Variants in COL23A1 observed in about 807,000 individuals in gnomAD.
The protein encoded by COL23A1 is collagen alpha-1(XXIII) chain.
In COL23A1, 97 loss-of-function variants were observed where a neutral mutation model predicts 99.3. The observed-to-expected ratio is 0.98, with a 90% CI of 0.83 to 1.16. COL23A1 has a LOEUF of 1.16. Among genes scored for constraint, COL23A1 ranks in the 50% most tolerant of loss-of-function variants. The pLI, the probability that COL23A1 is intolerant of heterozygous loss-of-function variation, is 0.00. For missense variants in COL23A1, 762 were observed against 757.4 expected (o/e 1.01, Z -0.07); for synonymous variants, 320 against 308.2 (o/e 1.04, Z -0.40).
chr5:178,274,673 G>C (rs1001434224), intron 5 of COL23A1, among the ~76,000 whole-genome samples: 1 of 152,174 alleles, frequency 6.6e-6, no homozygotes, highest in African/African-American at 2.4e-5. Context: ...ATCTCCCACA[G>C]AAGGAGTGGG....
chr5:178,334,018 C>T (rs115424501), intron 2 of COL23A1, among the ~76,000 whole-genome samples: 3,616 of 152,194 alleles, frequency 0.024, 66 homozygotes, highest in Non-Finnish European at 0.036. Context: ...TCCCTTTCTC[C>T]ACAGGGGAGT....
rs182603141 is a variant in COL23A1, at chr5:178,502,358, T to C, written c.361+58324A>G. On this transcript the variant is annotated intron_variant, in intron 2 of 28. Transcript: ENST00000390654. ...ATGTTAGCCAGGATGGTCTCGATCT[T>C]CTGACCTTGTGATCTGCCCGCCTCG... Among the ~76,000 whole-genome samples, 755 of 152,262 alleles carry C rather than the reference T, an allele frequency of 5.0e-3. 5 individuals are homozygous for C. The highest frequency in any genetic ancestry group is 0.012 in the African/African-American group (489 of 41,562).
intron 5 of COL23A1, among the ~76,000 whole-genome samples, chr5:178,270,991 T>G (rs1238270615): frequency 6.6e-6 from 1 of 152,212 alleles, no homozygotes; most frequent in Non-Finnish European, 1.5e-5. Flanking sequence ...TCTTTGAGCT[T>G]CCCACATTGC....
chr5:178,258,262 T>TATATATATATATATACACAC lies in COL23A1; in HGVS notation c.730-696_730-695insGTGTGTATATATATATATAT. Among the ~76,000 whole-genome samples, 327 of 104,096 alleles carry TATATATATATATATACACAC rather than the reference T, an allele frequency of 3.1e-3. 29 individuals are homozygous for TATATATATATATATACACAC. The highest frequency in any genetic ancestry group is 5.4e-3 in the Middle Eastern group (1 of 186). 68.3% of individuals were successfully genotyped at this position (104,096 alleles called of 152,430 possible). A position where few individuals can be genotyped will look rare whatever the true frequency, so the allele number is the denominator to read the frequency against. On this transcript the variant is annotated intron_variant, in intron 12 of 28. Transcript: ENST00000390654. ...ATATATATATATATATATATATATA[T>TATATATATATATATACACAC]ACACATGCAAATCAATTCTAGGCAC...
In COL23A1 at chr5:178,560,694, C is replaced by T. The variant is rs1400519035; in HGVS notation, c.349G>A (p.Val117Ile). 1.1e-5 allele frequency: 18 copies of T among 1,612,082 alleles called. No individual in the cohort carries two copies. The highest frequency in any genetic ancestry group is 1.4e-5 in the Non-Finnish European group (17 of 1,179,562). Residue 117 changes from valine (V) to isoleucine (I), a missense_variant, in exon 2 of 29, where the codon GTC becomes ATC. By Grantham distance (29) the Val-to-Ile change is conservative. Transcript: ENST00000390654. ...AACCTTCACTTACCTGGGGGGCAGA[C>T]ACATTCGGATGGAGCTTCCCGAGCA... is the stretch of plus-strand genomic sequence containing the variant. Reference protein sequence around the residue: ...RTAREAPSECVCPPGPPGRRG... With the variant: ...RTAREAPSECICPPGPPGRRG...
chr5:178,249,448 G>C (rs1764893860), intron 18 of COL23A1, among the ~76,000 whole-genome samples: 1 of 152,232 alleles, frequency 6.6e-6, no homozygotes, highest in South Asian at 2.1e-4. Context: ...CAGATGGGTG[G>C]ATCATGTGAG....
chr5:178,447,759 A>T (rs1007441184), intron 2 of COL23A1, among the ~76,000 whole-genome samples: 1 of 152,196 alleles, frequency 6.6e-6, no homozygotes. Context: ...GAAAAAGTAA[A>T]TTAGACCGCA....
At chr5:178,505,000 A>G (rs1269797060) in intron 2 of COL23A1, among the ~76,000 whole-genome samples, 1 of 152,220 alleles carries the variant, frequency 6.6e-6, no homozygotes, top group East Asian at 1.9e-4. Flanking sequence ...GGGTGGCCAT[A>G]ACGAAGTTCC....
At chr5:178,301,041 C>T (rs1393118024) in intron 3 of COL23A1, among the ~76,000 whole-genome samples, 1 of 119,400 alleles carries the variant, frequency 8.4e-6, no homozygotes, top group Non-Finnish European at 1.8e-5. Flanking sequence ...TTTCTCTCCT[C>T]TGCTTCTGGG....
At chr5:178,266,390 T>C (rs1023857367) in intron 8 of COL23A1, among the ~76,000 whole-genome samples, 1 of 151,820 alleles carries the variant, frequency 6.6e-6, no homozygotes, top group Non-Finnish European at 1.5e-5. Flanking sequence ...CGCATATGTG[T>C]GTGTGTGTTG....
intron 2 of COL23A1, among the ~76,000 whole-genome samples, chr5:178,371,890 G>A (rs1762819449): frequency 6.6e-6 from 1 of 152,216 alleles, no homozygotes; most frequent in South Asian, 2.1e-4. Flanking sequence ...TTCTGACTCA[G>A]CTTGAACTAC....
At chr5:178,335,015 G>A (rs1305121402) in intron 2 of COL23A1, among the ~76,000 whole-genome samples, 2 of 152,202 alleles carry the variant, frequency 1.3e-5, no homozygotes, top group Non-Finnish European at 2.9e-5. Flanking sequence ...TCCTCCATAG[G>A]TGGAGACCAC....
intron 2 of COL23A1, among the ~76,000 whole-genome samples, chr5:178,450,924 C>T (rs1767453303): frequency 4.6e-5 from 7 of 152,192 alleles, no homozygotes; most frequent in Admixed American, 4.6e-4. Context: ...TGGGTACTAG[C>T]CCTAAGTTAG....
chr5:178,456,116 G>A (rs187835535), intron 2 of COL23A1, among the ~76,000 whole-genome samples: 13 of 152,286 alleles, frequency 8.5e-5, no homozygotes, highest in Middle Eastern at 3.4e-3. Context: ...TGCAGATGGT[G>A]TTAGAACAAC....
At chr5:178,314,348 G>C (rs1758866025) in intron 2 of COL23A1, among the ~76,000 whole-genome samples, 1 of 152,266 alleles carries the variant, frequency 6.6e-6, no homozygotes, top group East Asian at 1.9e-4. Context: ...CAGGCTGCCA[G>C]GGTTTTAAGG....
intron 3 of COL23A1, among the ~76,000 whole-genome samples, chr5:178,297,016 T>G (rs554789978): frequency 6.6e-6 from 1 of 152,318 alleles, no homozygotes; most frequent in Admixed American, 6.5e-5. Flanking sequence ...AAATCCCAAC[T>G]CCTGGCCCAG....
chr5:178,457,173 G>C (rs1381029579), intron 2 of COL23A1, among the ~76,000 whole-genome samples: 1 of 152,160 alleles, frequency 6.6e-6, no homozygotes, highest in Non-Finnish European at 1.5e-5. Context: ...AGATTGAACA[G>C]AAATAAAAGT....
intron 2 of COL23A1, among the ~76,000 whole-genome samples, chr5:178,337,610 C>A (rs1275288026): frequency 6.6e-6 from 1 of 152,022 alleles, no homozygotes; most frequent in Non-Finnish European, 1.5e-5. Flanking sequence ...GTGGGCTCTG[C>A]CGGGCTGGGG....
At chr5:178,260,466 C>T (rs1291007080) in intron 11 of COL23A1, among the ~76,000 whole-genome samples, 1 of 152,202 alleles carries the variant, frequency 6.6e-6, no homozygotes, top group Non-Finnish European at 1.5e-5. Flanking sequence ...CTAGATGACA[C>T]TCTGGGAAAG....
Sources: gnomAD v4.1 joint callset for allele counts (sites outside exome capture counted in the v4.1 genomes callset) on GRCh38, gnomAD v4.1.1 for gene constraint, MANE v1.5 for transcripts, NCBI Gene and HGNC (gene_info 2026-07-23, HGNC 2026-07-21) for gene names.